The following TNNI3K variants were observed in gnomAD, a reference collection of about 807,000 sequenced individuals.
TNNI3K encodes the protein TNNI3 interacting kinase.
A neutral mutation model predicts 114.5 loss-of-function variants in TNNI3K; 140 were observed. The observed-to-expected ratio is 1.22, with a 90% CI of 1.07 to 1.41. The LOEUF (loss-of-function observed/expected upper bound fraction) is 1.41, where lower values mean the gene tolerates loss of function less well. Among genes scored for constraint, TNNI3K ranks in the 40% most tolerant of loss-of-function variants. TNNI3K has a pLI of 0.00. For synonymous variants in TNNI3K, 347 were observed against 347.5 expected (o/e 1.00, Z 0.02); for missense variants, 1,125 against 1,007.6 (o/e 1.12, Z -1.58).
At chr1:74,388,828 A>G (rs1208034814) in intron 17 of TNNI3K, among the ~76,000 whole-genome samples, 1 of 152,190 alleles carries the variant, frequency 6.6e-6, no homozygotes, top group Non-Finnish European at 1.5e-5. Context: ...CCAGAGTAAC[A>G]TCTCTCAGGA....
At chr1:74,504,891 G>A (rs1041565679) in intron 23 of TNNI3K, among the ~76,000 whole-genome samples, 1 of 152,154 alleles carries the variant, frequency 6.6e-6, no homozygotes. Flanking sequence ...CAAGCGTTTT[G>A]TAATACTAAT....
chr1:74,490,050 TAAAAAA>T (rs36063099), intron 22 of TNNI3K, among the ~76,000 whole-genome samples: 1 of 42,910 alleles, frequency 2.3e-5, no homozygotes, highest in Non-Finnish European at 5.2e-5. Context: ...TTTTTTTTTC[TAAAAAA>T]AAAAAAAAAA....
At chr1:74,487,582 G>A (rs1668831011) in intron 21 of TNNI3K, among the ~76,000 whole-genome samples, 1 of 152,054 alleles carries the variant, frequency 6.6e-6, no homozygotes, top group African/African-American at 2.4e-5. Flanking sequence ...ATGTGTGGAA[G>A]GGAGTGATAG....
intron 23 of TNNI3K, among the ~76,000 whole-genome samples, chr1:74,504,824 G>A (rs1168815572): frequency 1.3e-5 from 2 of 152,036 alleles, no homozygotes; most frequent in African/African-American, 4.8e-5. Flanking sequence ...GCTTGTTAGC[G>A]ACCTAAAATG....
intron 17 of TNNI3K, among the ~76,000 whole-genome samples, chr1:74,420,239 A>C (rs570311043): frequency 6.6e-6 from 1 of 152,292 alleles, no homozygotes; most frequent in Non-Finnish European, 1.5e-5. Flanking sequence ...CTGCAAATAA[A>C]TCATTTGCTA....
At chr1:74,440,612 C>T (rs1666335273) in intron 20 of TNNI3K, among the ~76,000 whole-genome samples, 4 of 152,060 alleles carry the variant, frequency 2.6e-5, no homozygotes, top group Admixed American at 2.6e-4. Context: ...TTTAATTACA[C>T]CCTGCATAGC....
intron 4 of TNNI3K, among the ~76,000 whole-genome samples, chr1:74,260,929 G>A (rs1268589621): frequency 1.3e-5 from 2 of 151,788 alleles, no homozygotes; most frequent in African/African-American, 2.4e-5. Context: ...TCTACTCTTT[G>A]GAAAACAACC....
intron 21 of TNNI3K, chr1:74,464,578 A>G (rs751195765): frequency 1.7e-5 from 25 of 1,479,248 alleles, no homozygotes; most frequent in Middle Eastern, 1.7e-4. Flanking sequence ...GAAATAAAAT[A>G]GGCCCCAGTC....
chr1:74,530,228 C>T (rs1205073289), intron 23 of TNNI3K, among the ~76,000 whole-genome samples: 1 of 152,134 alleles, frequency 6.6e-6, no homozygotes, highest in East Asian at 1.9e-4. Flanking sequence ...TGGCATTGTG[C>T]TTGATAAAAA....
intron 22 of TNNI3K, among the ~76,000 whole-genome samples, chr1:74,490,696 T>C (rs1669025466): frequency 6.6e-6 from 1 of 152,174 alleles, no homozygotes; most frequent in African/African-American, 2.4e-5. Flanking sequence ...ATTCTTCAAC[T>C]TTTCAGTCAA....
chr1:74,377,161 A>G (rs1662949280), intron 17 of TNNI3K: 1 of 152,082 alleles, frequency 6.6e-6, no homozygotes, highest in African/African-American at 2.4e-5. Flanking sequence ...TTGCCGTATA[A>G]CTTCATTCTT....
intron 23 of TNNI3K, among the ~76,000 whole-genome samples, chr1:74,503,715 C>A (rs2100350887): frequency 6.6e-6 from 1 of 152,330 alleles, no homozygotes; most frequent in African/African-American, 2.4e-5. Flanking sequence ...AAGCTAGAAT[C>A]TAAGCAAGTG....
chr1:74,532,110 A>G (rs1168192291), intron 23 of TNNI3K, among the ~76,000 whole-genome samples: 1 of 152,236 alleles, frequency 6.6e-6, no homozygotes, highest in Non-Finnish European at 1.5e-5. Flanking sequence ...AGATGAATCC[A>G]TGCATGCAGC....
chr1:74,494,464 T>C (rs570114044), intron 23 of TNNI3K, among the ~76,000 whole-genome samples: 40 of 152,310 alleles, frequency 2.6e-4, no homozygotes, highest in African/African-American at 9.4e-4. Context: ...CACCATTTTT[T>C]ATTGGATTTT....
At chr1:74,533,764 G>A (rs1570752278) in intron 23 of TNNI3K, among the ~76,000 whole-genome samples, 1 of 152,026 alleles carries the variant, frequency 6.6e-6, no homozygotes, top group Non-Finnish European at 1.5e-5. Context: ...CCTTTGTAGG[G>A]ACATGGATGA....
chr1:74,264,219 T>C (rs926351561), intron 4 of TNNI3K, among the ~76,000 whole-genome samples: 12 of 151,684 alleles, frequency 7.9e-5, no homozygotes, highest in African/African-American at 2.9e-4. Flanking sequence ...ACACTGAAAC[T>C]CTTAAAAACT....
intron 20 of TNNI3K, among the ~76,000 whole-genome samples, chr1:74,443,924 A>G (rs972560933): frequency 3.9e-5 from 6 of 152,216 alleles, no homozygotes; most frequent in Admixed American, 1.3e-4. Context: ...GATTATCTCA[A>G]TAGATTCAGA....
intron 17 of TNNI3K, among the ~76,000 whole-genome samples, chr1:74,417,229 A>T (rs890934181): frequency 6.6e-6 from 1 of 152,026 alleles, no homozygotes; most frequent in Non-Finnish European, 1.5e-5. Flanking sequence ...ATGAAAATGT[A>T]CTGCTCAGAT....
intron 23 of TNNI3K, among the ~76,000 whole-genome samples, chr1:74,523,000 A>C (rs1035080421): frequency 1.3e-5 from 2 of 152,224 alleles, no homozygotes; most frequent in African/African-American, 4.8e-5. Flanking sequence ...AACCCCATGC[A>C]TTCACTACAG....
Sources: allele counts gnomAD v4.1 joint callset (sites outside exome capture counted in the v4.1 genomes callset), GRCh38; gene constraint gnomAD v4.1.1; transcripts MANE v1.5; gene names NCBI Gene and HGNC (gene_info 2026-07-23, HGNC 2026-07-21).